FMN2: variants seen among roughly 807,000 people sequenced by gnomAD.
FMN2 encodes formin 2, also known as formin-2.
Under a neutral mutation model 142.3 loss-of-function variants are expected in FMN2, and 51 were observed. The ratio of observed to expected loss-of-function variants is 0.36; its 90% CI spans 0.29 to 0.45. The LOEUF is 0.45. FMN2 is among the 20% of genes least tolerant of loss of function. FMN2 has a pLI of 1.00. For synonymous variants in FMN2, 882 were observed against 869.8 expected, an observed-to-expected ratio of 1.01 and a Z score of -0.25; for missense variants, 1,936 against 2,122.8, an observed-to-expected ratio of 0.91 and a Z score of 1.73.
intron 2 of FMN2, among the ~76,000 whole-genome samples, chr1:240,171,907 A>C (rs1664718443): frequency 7.7e-6 from 1 of 129,144 alleles, no homozygotes; most frequent in Non-Finnish European, 1.7e-5. Context: ...GTTTTCTTTA[A>C]TAGGAAGATA....
At chr1:240,189,220 T>G (rs1055972020) in intron 4 of FMN2, among the ~76,000 whole-genome samples, 5 of 151,588 alleles carry the variant, frequency 3.3e-5, no homozygotes, top group African/African-American at 1.2e-4. Flanking sequence ...GAATAGTAAT[T>G]GTGGATAGCA....
chr1:240,219,939 G>T (rs1057085084), intron 6 of FMN2, among the ~76,000 whole-genome samples: 5 of 152,150 alleles, frequency 3.3e-5, no homozygotes. Flanking sequence ...GATTAGAAGC[G>T]TGAGCCACCA....
chr1:240,266,293 T>TG (rs565661804), intron 7 of FMN2, among the ~76,000 whole-genome samples: 221 of 151,932 alleles, frequency 1.5e-3, no homozygotes, highest in African/African-American at 3.4e-3. Flanking sequence ...TGAAGGTTTT[T>TG]GGGGGGGTCC....
intron 15 of FMN2, among the ~76,000 whole-genome samples, chr1:240,397,040 T>C (rs1416382058): frequency 6.6e-6 from 1 of 152,234 alleles, no homozygotes; most frequent in Non-Finnish European, 1.5e-5. Flanking sequence ...CAAACTGCTT[T>C]CCACAGTGGC....
intron 8 of FMN2, among the ~76,000 whole-genome samples, chr1:240,298,685 A>G (rs1360042278): frequency 1.3e-5 from 2 of 152,102 alleles, no homozygotes; most frequent in African/African-American, 4.8e-5. Context: ...CCTGCTCTTT[A>G]TGAGAACCTA....
chr1:240,377,846 GA>G, intron 14 of FMN2, among the ~76,000 whole-genome samples: 1 of 151,906 alleles, frequency 6.6e-6, no homozygotes, highest in East Asian at 1.9e-4. Context: ...TACAGCTGGG[GA>G]TTAATAAATT....
rs75752271 is a variant in FMN2 at position 240,232,840 on chromosome 1, C to T, written c.4065+21605C>T. Among the ~76,000 whole-genome samples the T allele has an allele frequency of 1.3e-3, 191 of 152,132 alleles. 2 individuals carry two copies. The East Asian group carries it at 0.033, about 26-fold the overall frequency. ...TAGTCTACTATACATTTTTTTTCCC[C>T]GCTAGGCCACCCAGGACTTTGTTGA... On this transcript the variant is annotated intron_variant, in intron 6 of 17. Coordinates refer to ENST00000319653, the MANE Select transcript of FMN2 (RefSeq NM_020066.5).
Position 240,271,181 on chromosome 1 carries a change from T to TAA in FMN2, c.4153+13149_4153+13150insAA, listed in dbSNP as rs1669001244. Among the ~76,000 whole-genome samples, 5 of 146,198 alleles carry TAA rather than the reference T, an allele frequency of 3.4e-5. No homozygotes were observed. In the South Asian group the frequency reaches 8.8e-4, roughly 26 times the overall value. ...TGCACTTCTTTTATCCTGTTGGGGT[T>TAA]GCCACTGAATCATGGTTTTCTTATG... On this transcript the variant is annotated intron_variant, in intron 7 of 17. Coordinates refer to ENST00000319653, the MANE Select transcript of FMN2 (RefSeq NM_020066.5).
chr1:240,427,171 T>TA (rs1674972079), intron 15 of FMN2, among the ~76,000 whole-genome samples: 1 of 136,892 alleles, frequency 7.3e-6, no homozygotes, highest in Non-Finnish European at 1.5e-5. Flanking sequence ...ACAACTGATT[T>TA]TATATATATA....
Position 240,208,350 on chromosome 1 carries a change from C to T in FMN2, c.3538C>T (p.Pro1180Ser), listed in dbSNP as rs1185426476. Residue 1180 changes from proline to serine, a missense_variant, in exon 5 of 18, where the codon CCT (proline) becomes TCT (serine). Pro to Ser is a moderately conservative substitution (Grantham distance 74). Coordinates refer to ENST00000319653, the MANE Select transcript of FMN2 (RefSeq NM_020066.5). ...GAGIPPPPPLPGVGIPPPPPL... is the reference protein window; with the variant it reads ...GAGIPPPPPLSGVGIPPPPPL... ...GGGCATACCCCCTCCGCCCCCTCTA[C>T]CTGGAGTGGGAATACCTCCTCCGCC... 2 of 1,513,786 alleles carry T rather than the reference C, an allele frequency of 1.3e-6. No individual in the cohort carries two copies. Among genetic ancestry groups the T allele is most frequent in the South Asian group, 2.3e-5 (2 of 85,292 alleles). 93.8% of individuals were successfully genotyped at this position (1,513,786 alleles called of 1,614,324 possible). A position where few individuals can be genotyped will look rare whatever the true frequency, so the allele number is the denominator to read the frequency against.
At chr1:240,322,063 C>T (rs926114961) in intron 8 of FMN2, among the ~76,000 whole-genome samples, 1 of 152,106 alleles carries the variant, frequency 6.6e-6, no homozygotes, top group East Asian at 1.9e-4. Flanking sequence ...CCTAGCCACC[C>T]TTAGCCTACA....
At chr1:240,397,225 C>T (rs925431391) in intron 15 of FMN2, among the ~76,000 whole-genome samples, 10 of 152,260 alleles carry the variant, frequency 6.6e-5, no homozygotes, top group Admixed American at 5.9e-4. Flanking sequence ...AGCATTTTTC[C>T]ATGTTTGTTG....
intron 2 of FMN2, chr1:240,144,927 C>G: frequency 7.5e-7 from 1 of 1,330,536 alleles, no homozygotes. Context: ...GATGCCAATT[C>G]CTTCTGGGAG....
At chr1:240,278,502 C>G (rs779809953) in intron 7 of FMN2, among the ~76,000 whole-genome samples, 1 of 152,052 alleles carries the variant, frequency 6.6e-6, no homozygotes, top group African/African-American at 2.4e-5. Flanking sequence ...TTGTGGTAGC[C>G]TGGCAGGTGA....
intron 14 of FMN2, among the ~76,000 whole-genome samples, chr1:240,380,105 C>G (rs1673176662): frequency 6.6e-6 from 1 of 152,146 alleles, no homozygotes; most frequent in Non-Finnish European, 1.5e-5. Flanking sequence ...CAAAGGAACT[C>G]TGGGCTTAAA....
chr1:240,404,151 A>G (rs1192651848), intron 15 of FMN2, among the ~76,000 whole-genome samples: 1 of 152,228 alleles, frequency 6.6e-6, no homozygotes, highest in Non-Finnish European at 1.5e-5. Context: ...TACAGTATGT[A>G]ACTATTCATT....
intron 2 of FMN2, chr1:240,145,530 A>ATTTTTTTTTTTT (rs71168902): frequency 2.4e-5 from 2 of 84,346 alleles, no homozygotes; most frequent in African/African-American, 4.5e-5. Flanking sequence ...TTCTTTTTCT[A>ATTTTTTTTTTTT]TTTTTTTTTT....
In FMN2 at chr1:240,143,779, A is replaced by G. The variant is rs1663298852; in HGVS notation, c.1782+20434A>G. 4 of 1,512,488 alleles carry G rather than the reference A, an allele frequency of 2.6e-6. No individual in the cohort carries two copies. The South Asian group carries it at 3.4e-5, about 13-fold the overall frequency. The allele number at this position is 1,512,488 out of a possible 1,614,324, so 93.7% of individuals were successfully genotyped here. A position where few individuals can be genotyped will look rare whatever the true frequency, so the allele number is the denominator to read the frequency against. On this transcript the variant is annotated intron_variant, in intron 2 of 17. Coordinates refer to ENST00000319653, the MANE Select transcript of FMN2 (RefSeq NM_020066.5). ...TGGTCTGAAGGATAGTGGAAGTTAC[A>G]TCTCCATTGCAGGACCCCACTGCTA...
At chr1:240,204,515 C>T (rs1277129892) in intron 4 of FMN2, among the ~76,000 whole-genome samples, 1 of 152,204 alleles carries the variant, frequency 6.6e-6, no homozygotes, top group Admixed American at 6.5e-5. Flanking sequence ...CTTTGGGAGG[C>T]CGAGGTGCGT....
Sources: allele counts gnomAD v4.1 joint callset (sites outside exome capture counted in the v4.1 genomes callset), GRCh38; gene constraint gnomAD v4.1.1; transcripts MANE v1.5; gene names NCBI Gene and HGNC (gene_info 2026-07-23, HGNC 2026-07-21).